MYO5B: variants seen among roughly 807,000 people sequenced by gnomAD.
The protein encoded by MYO5B is myosin VB.
In MYO5B, 143 loss-of-function variants were observed where a neutral mutation model predicts 229.3. The observed-to-expected ratio is 0.62, with a 90% CI of 0.54 to 0.72. The LOEUF is 0.72. Ranked by LOEUF, MYO5B falls within the 30% of genes least tolerant of loss-of-function variation. The probability of loss-of-function intolerance (pLI) is 0.00; values close to 1 mark genes in which losing one functional copy is unlikely to be tolerated. For synonymous variants in MYO5B, 918 were observed against 885.2 expected (o/e 1.04, Z -0.66); for missense variants, 2,321 against 2,331.0 (o/e 1.00, Z 0.09).
In MYO5B at chr18:49,826,693, A is replaced by G. The variant is rs2023851045; in HGVS notation, c.5395-70T>C. On this transcript the variant is annotated intron_variant, in intron 39 of 39. Transcript: ENST00000285039. ...AATAGCCAGTTTAAGTGAATTCACA[A>G]AAGTGAGTTGGCATATATCATGGAA... is the stretch of plus-strand genomic sequence containing the variant. The G allele has an allele frequency of 3.2e-6, 5 of 1,561,926 alleles. No homozygotes were observed. The South Asian group carries it at 3.3e-5, about 10-fold the overall frequency.
Position 50,040,192 on chromosome 18 carries a change from A to G in MYO5B, c.261T>C (p.His87=). ...LSYLHEPAVL[H]NLKVRFLESN... is the part of the protein sequence containing the mutation. ...ACTCCAGGAAACGGACCTTCAAATT[A>G]TGCAAAACTGCAGGCTCATGAAGAT... Residue 87 remains histidine, a synonymous_variant, in exon 3 of 40, where the codon CAT becomes CAC. Coordinates refer to ENST00000285039, the MANE Select transcript of MYO5B (RefSeq NM_001080467.3). 6.2e-7 allele frequency: 1 copy of G among 1,614,142 alleles called. No homozygotes were observed. The highest frequency in any genetic ancestry group is 8.5e-7 in the Non-Finnish European group (1 of 1,180,014).
At chr18:50,120,148 A>G (rs1166858031) in intron 1 of MYO5B, among the ~76,000 whole-genome samples, 1 of 152,382 alleles carries the variant, frequency 6.6e-6, no homozygotes, top group East Asian at 1.9e-4. Context: ...CAGAAGGAAC[A>G]AAGACTTATC....
At chr18:49,912,815 A>G (rs1435378212) in intron 17 of MYO5B, among the ~76,000 whole-genome samples, 2 of 152,338 alleles carry the variant, frequency 1.3e-5, no homozygotes, top group East Asian at 3.9e-4. Context: ...AGTCTAATAT[A>G]TTGCCCAAGC....
rs2024853989 is a variant in MYO5B, at chr18:49,902,581, T to C, written c.2811+13A>G. 6.2e-7 allele frequency: 1 copy of C among 1,610,044 alleles called. No homozygotes were observed. Among genetic ancestry groups the C allele is most frequent in the Non-Finnish European group, 8.5e-7 (1 of 1,180,022 alleles). ...AGCCCCCGACACCCAGGTAGGGAGC[T>C]GCAGACACTGACCTGCTCATCGATC... On this transcript the variant is annotated intron_variant, in intron 21 of 39. Coordinates refer to ENST00000285039, the MANE Select transcript of MYO5B (RefSeq NM_001080467.3).
intron 29 of MYO5B, among the ~76,000 whole-genome samples, chr18:49,858,826 T>TG (rs2024294144): frequency 6.6e-6 from 1 of 152,140 alleles, no homozygotes. Flanking sequence ...TCAACCAACT[T>TG]GCTTCAGCCG....
At chr18:49,901,361 T>C (rs958854769) in intron 21 of MYO5B, among the ~76,000 whole-genome samples, 4 of 152,216 alleles carry the variant, frequency 2.6e-5, no homozygotes, top group African/African-American at 9.6e-5. Context: ...TAGACAAAGC[T>C]GAGTGTTCTG....
Position 49,843,282 on chromosome 18 carries a change from G to A in MYO5B, c.4570C>T (p.Leu1524=), listed in dbSNP as rs866841813. Residue 1524 remains leucine (L), a synonymous_variant, in exon 34 of 40, where the codon CTG becomes TTG. Coordinates refer to ENST00000285039, the MANE Select transcript of MYO5B (RefSeq NM_001080467.3). ...ATGCCGTTGATGGTGGAGGTCAGCAGGGAGTGCACCTTGAGATCGTCGTTG... is the reference window on the plus strand; with the variant it reads ...ATGCCGTTGATGGTGGAGGTCAGCAAGGAGTGCACCTTGAGATCGTCGTTG... ...YTNDDLKVHS[L]LTSTINGIKK... 2 of 1,614,200 alleles carry A rather than the reference G, an allele frequency of 1.2e-6. No individual in the cohort carries two copies. Among genetic ancestry groups the A allele is most frequent in the South Asian group, 1.1e-5 (1 of 91,074 alleles).
chr18:49,952,256 G>A (rs1163079419), intron 14 of MYO5B, among the ~76,000 whole-genome samples: 1 of 152,140 alleles, frequency 6.6e-6, no homozygotes, highest in Non-Finnish European at 1.5e-5. Context: ...AAATTAATCT[G>A]CCATTTCTCC....
intron 10 of MYO5B, among the ~76,000 whole-genome samples, chr18:49,965,221 A>G (rs2025609232): frequency 6.6e-6 from 1 of 152,204 alleles, no homozygotes; most frequent in Non-Finnish European, 1.5e-5. Context: ...CAAATGACCA[A>G]CTGGATGTGC....
At chr18:50,010,186 A>C (rs1335701005) in intron 4 of MYO5B, among the ~76,000 whole-genome samples, 1 of 152,262 alleles carries the variant, frequency 6.6e-6, no homozygotes, top group African/African-American at 2.4e-5. Flanking sequence ...AGTACATTTA[A>C]TATCCAATAT....
chr18:49,904,559 G>C, intron 20 of MYO5B, 113 bp downstream of exon 20: 2 of 1,313,136 alleles, frequency 1.5e-6, no homozygotes, highest in South Asian at 2.4e-5. Context: ...AGATGTGAAA[G>C]CATTTAGAAA....
chr18:49,893,421 T>C (rs540928654), intron 22 of MYO5B, among the ~76,000 whole-genome samples: 1 of 152,210 alleles, frequency 6.6e-6, no homozygotes, highest in African/African-American at 2.4e-5. Flanking sequence ...CTCCCAAGGG[T>C]AGACAAACCA....
chr18:49,833,045 T>A (rs1006690806), intron 39 of MYO5B, among the ~76,000 whole-genome samples: 2 of 152,190 alleles, frequency 1.3e-5, no homozygotes, highest in Admixed American at 1.3e-4. Context: ...GCCCTTGTAT[T>A]TCTCCACATT....
chr18:50,022,843 A>AC (rs1390188116), intron 4 of MYO5B, among the ~76,000 whole-genome samples: 1 of 151,886 alleles, frequency 6.6e-6, no homozygotes, highest in Non-Finnish European at 1.5e-5. Flanking sequence ...CTTTACCCCC[A>AC]CCTCCTAGGT....
At chr18:49,978,417 G>GC (rs749120849) in intron 9 of MYO5B, among the ~76,000 whole-genome samples, 3 of 151,938 alleles carry the variant, frequency 2.0e-5, no homozygotes, top group African/African-American at 4.8e-5. Context: ...TGCTGGTCTC[G>GC]CCCCCCAATG....
rs146483361 is a variant in MYO5B at position 50,020,247 on chromosome 18, C to T, written c.455+16603G>A. On this transcript the variant is annotated intron_variant, in intron 4 of 39. Transcript: ENST00000285039. ...CCACTCCCCAGGGATTTGCCAGGGA[C>T]ATCAACATCATCAGAAACATAAAAC... 2.6e-5 allele frequency among the ~76,000 whole-genome samples: 4 copies of T among 152,320 alleles called. No homozygotes were observed. The East Asian group carries it at 7.7e-4, about 29-fold the overall frequency.
intron 1 of MYO5B, among the ~76,000 whole-genome samples, chr18:50,064,859 G>C (rs558319072): frequency 2.0e-5 from 3 of 152,314 alleles, no homozygotes; most frequent in African/African-American, 7.2e-5. Flanking sequence ...ACTGACTGAA[G>C]TTATTTTAGG....
At chr18:49,829,223 T>C (rs1428417038) in intron 39 of MYO5B, among the ~76,000 whole-genome samples, 2 of 151,616 alleles carry the variant, frequency 1.3e-5, no homozygotes, top group Non-Finnish European at 2.9e-5. Flanking sequence ...GGATTACAGG[T>C]GTGTGGGAAG....
chr18:50,073,907 C>T (rs1409810110), intron 1 of MYO5B, among the ~76,000 whole-genome samples: 1 of 152,172 alleles, frequency 6.6e-6, no homozygotes, highest in Non-Finnish European at 1.5e-5. Flanking sequence ...CTACTACCAA[C>T]AGGTATCTTG....
Sources: gnomAD v4.1 joint callset for allele counts (sites outside exome capture counted in the v4.1 genomes callset) on GRCh38, gnomAD v4.1.1 for gene constraint, MANE v1.5 for transcripts, NCBI Gene and HGNC (gene_info 2026-07-23, HGNC 2026-07-21) for gene names.